The following ATRNL1 variants were observed in gnomAD, a reference collection of about 807,000 sequenced individuals.
ATRNL1 encodes attractin like 1, also known as attractin-like protein 1.
Under a neutral mutation model 182.7 loss-of-function variants are expected in ATRNL1, and 95 were observed. The ratio of observed to expected loss-of-function variants is 0.52; its 90% CI spans 0.44 to 0.62. ATRNL1 has a LOEUF of 0.62. ATRNL1 is among the 20% of genes least tolerant of loss of function. ATRNL1 has a pLI of 0.00. For missense variants in ATRNL1, 1,471 were observed against 1,679.5 expected (o/e 0.88, Z 2.17); for synonymous variants, 576 against 568.3 (o/e 1.01, Z -0.19).
At chr10:115,943,436 G>T (rs1437515153) in intron 28 of ATRNL1, among the ~76,000 whole-genome samples, 1 of 152,180 alleles carries the variant, frequency 6.6e-6, no homozygotes, top group Admixed American at 6.5e-5. Context: ...AGCATCATAT[G>T]TCATTAGAGA....
chr10:115,782,803 G>C (rs1949298587), intron 27 of ATRNL1, among the ~76,000 whole-genome samples: 1 of 152,150 alleles, frequency 6.6e-6, no homozygotes, highest in East Asian at 1.9e-4. Flanking sequence ...AAAAATATAA[G>C]AGTATAACTA....
At position 115,265,182 on chromosome 10, in the gene ATRNL1, C is replaced by CT; in HGVS notation, c.1688-5dup. ...ATTTCATTTTTTGTTTTTCTGTTTT[C>CT]TTTTTTCTAGCTTGTGATGAATGGA... On this transcript the variant is annotated splice_polypyrimidine_tract_variant and intron_variant, in intron 10 of 28. Transcript: ENST00000355044. 2 of 1,554,902 alleles carry CT rather than the reference C, an allele frequency of 1.3e-6. No individual in the cohort carries two copies. The highest frequency in any genetic ancestry group is 1.8e-5 in the Admixed American group (1 of 55,368).
At chr10:115,369,371 G>A (rs1292701899) in intron 19 of ATRNL1, among the ~76,000 whole-genome samples, 2 of 151,892 alleles carry the variant, frequency 1.3e-5, no homozygotes, top group African/African-American at 4.8e-5. Flanking sequence ...TGAAGGCGAT[G>A]GGATTCCGTG....
intron 19 of ATRNL1, among the ~76,000 whole-genome samples, chr10:115,364,788 G>T (rs546372452): frequency 2.0e-5 from 3 of 151,776 alleles, no homozygotes; most frequent in Non-Finnish European, 4.4e-5. Flanking sequence ...AATGTGGTTT[G>T]TGTCTTTGGC....
chr10:115,611,081 T>A (rs1857132217), intron 26 of ATRNL1, among the ~76,000 whole-genome samples: 1 of 151,550 alleles, frequency 6.6e-6, no homozygotes, highest in Non-Finnish European at 1.5e-5. Context: ...TACCTCTTGA[T>A]AAAATTAGTG....
At chr10:115,902,023 C>T (rs1952369756) in intron 28 of ATRNL1, among the ~76,000 whole-genome samples, 1 of 152,114 alleles carries the variant, frequency 6.6e-6, no homozygotes. Context: ...CATTTGCACG[C>T]TGAGATTGTT....
chr10:115,384,024 C>A (rs1858188062), intron 19 of ATRNL1, among the ~76,000 whole-genome samples: 1 of 151,794 alleles, frequency 6.6e-6, no homozygotes, highest in African/African-American at 2.4e-5. Context: ...TAAATAGGCA[C>A]AATTTAACAG....
At chr10:115,664,310 T>C (rs1860875727) in intron 26 of ATRNL1, among the ~76,000 whole-genome samples, 1 of 152,180 alleles carries the variant, frequency 6.6e-6, no homozygotes, top group Non-Finnish European at 1.5e-5. Flanking sequence ...AGCAAAAGCA[T>C]AGCAAAGAAA....
At chr10:115,519,197 C>A in intron 24 of ATRNL1, 66 bp from the exon 25 acceptor site, 1 of 1,294,052 alleles carries the variant, frequency 7.7e-7, no homozygotes, top group South Asian at 1.2e-5. Flanking sequence ...TTACAAATGT[C>A]ATGAAATATC....
At chr10:115,168,768 T>G (rs1056212375) in intron 7 of ATRNL1, among the ~76,000 whole-genome samples, 3 of 152,108 alleles carry the variant, frequency 2.0e-5, no homozygotes, top group Non-Finnish European at 2.9e-5. Flanking sequence ...TGTTTTCACT[T>G]TCTTGATGTT....
At chr10:115,619,571 C>T (rs1857613344) in intron 26 of ATRNL1, among the ~76,000 whole-genome samples, 1 of 152,130 alleles carries the variant, frequency 6.6e-6, no homozygotes, top group Non-Finnish European at 1.5e-5. Flanking sequence ...TCCTGAGGCC[C>T]CTGGGTGGCT....
intron 1 of ATRNL1, among the ~76,000 whole-genome samples, chr10:115,102,150 T>C (rs1294291157): frequency 6.6e-6 from 1 of 152,196 alleles, no homozygotes; most frequent in Non-Finnish European, 1.5e-5. Context: ...TGCAGTCTTA[T>C]CTGTTTATCC....
In ATRNL1 at chr10:115,461,983, A is replaced by G; in HGVS notation, c.3365A>G (p.Gln1122Arg). ...TATCAATTTACCTTCAGCTTATTAC[A>G]GGAAGATGATCGCCACCATACTGCC... ...IDYQFTFSLL[Q>R]EDDRHHTAIN... Residue 1122 changes from glutamine to arginine, a missense_variant, in exon 22 of 29, where the codon CAG (glutamine) becomes CGG (arginine). This residue lies in a region of ATRNL1 where 437 missense variants were observed against 506.0 expected (regional missense o/e 0.86). Coordinates refer to ENST00000355044, the MANE Select transcript of ATRNL1 (RefSeq NM_207303.4). 1 of 1,611,570 alleles carries G rather than the reference A, an allele frequency of 6.2e-7. No individual in the cohort carries two copies. Among genetic ancestry groups the G allele is most frequent in the Non-Finnish European group, 8.5e-7 (1 of 1,178,684 alleles).
At chr10:115,679,322 T>G (rs371157084) in intron 26 of ATRNL1, among the ~76,000 whole-genome samples, 64 of 152,042 alleles carry the variant, frequency 4.2e-4, no homozygotes, top group African/African-American at 1.5e-3. Context: ...TTGGTTGGTT[T>G]TTTTTTTAAT....
At chr10:115,519,134 T>A in intron 24 of ATRNL1, 129 bp from the exon 25 acceptor site, 1 of 760,330 alleles carries the variant, frequency 1.3e-6, no homozygotes, top group African/African-American at 1.8e-5. Context: ...CCATCACATA[T>A]TTGATTTATA....
At position 115,800,512 on chromosome 10, in the gene ATRNL1, C is replaced by A. The variant is rs191317094; in HGVS notation, c.3904-47365C>A. On this transcript the variant is annotated intron_variant, in intron 27 of 28. Transcript: ENST00000355044. ...GTATGTTACCATCTGTTTTTTTCAACCCCAGAGGTCTGATTCCCCCGCAGG... is the reference window on the plus strand; with the variant it reads ...GTATGTTACCATCTGTTTTTTTCAAACCCAGAGGTCTGATTCCCCCGCAGG... Among the ~76,000 whole-genome samples, 47 of 151,936 alleles carry A rather than the reference C, an allele frequency of 3.1e-4. 1 individual carries two copies. The highest frequency in any genetic ancestry group is 2.7e-3 in the Admixed American group (41 of 15,250).
At chr10:115,630,645 T>C (rs1165909874) in intron 26 of ATRNL1, among the ~76,000 whole-genome samples, 1 of 149,560 alleles carries the variant, frequency 6.7e-6, no homozygotes, top group Non-Finnish European at 1.5e-5. Flanking sequence ...AAGATTTATG[T>C]ATATTTAAAT....
intron 26 of ATRNL1, among the ~76,000 whole-genome samples, chr10:115,645,868 G>A (rs1406360295): frequency 6.6e-6 from 1 of 152,038 alleles, no homozygotes; most frequent in Non-Finnish European, 1.5e-5. Context: ...AAGCTAAAGT[G>A]TTGTAAGATG....
chr10:115,173,511 CT>C (rs1442632193), intron 8 of ATRNL1, among the ~76,000 whole-genome samples: 1 of 151,624 alleles, frequency 6.6e-6, no homozygotes, highest in East Asian at 1.9e-4. Flanking sequence ...TTTAGGCCTT[CT>C]GTTACTGACT....
Sources: allele counts gnomAD v4.1 joint callset (sites outside exome capture counted in the v4.1 genomes callset), GRCh38; gene constraint gnomAD v4.1.1; regional missense constraint gnomAD v4.1.1; transcripts MANE v1.5; gene names NCBI Gene and HGNC (gene_info 2026-07-23, HGNC 2026-07-21).